PTPRK: variants seen among roughly 807,000 people sequenced by gnomAD.
The protein encoded by PTPRK is receptor-type tyrosine-protein phosphatase kappa.
PTPRK carries 75 observed loss-of-function variants against 178.0 expected under a neutral mutation model. The ratio of observed to expected loss-of-function variants is 0.42; its 90% CI spans 0.35 to 0.51. PTPRK has a LOEUF of 0.51. Among genes scored for constraint, PTPRK ranks in the 20% least tolerant of loss-of-function variants. PTPRK has a pLI of 0.02. For synonymous variants in PTPRK, 637 were observed against 620.6 expected (o/e 1.03, Z -0.39); for missense variants, 1,441 against 1,797.8 (o/e 0.80, Z 3.59).
At chr6:128,338,328 T>C (rs1451798551) in intron 2 of PTPRK, among the ~76,000 whole-genome samples, 2 of 152,002 alleles carry the variant, frequency 1.3e-5, no homozygotes, top group East Asian at 1.9e-4. Context: ...AACAGCAAAA[T>C]TGGTGATGCA....
At chr6:128,328,457 T>C (rs199739500) in intron 2 of PTPRK, among the ~76,000 whole-genome samples, 3 of 152,186 alleles carry the variant, frequency 2.0e-5, no homozygotes, top group African/African-American at 4.8e-5. Flanking sequence ...TCTAACTATA[T>C]GTGAGATAAA....
At chr6:128,392,095 T>C (rs72974039) in intron 2 of PTPRK, among the ~76,000 whole-genome samples, 19,486 of 152,118 alleles carry the variant, frequency 0.13, 1,550 homozygotes, top group Non-Finnish European at 0.18. Context: ...CCCTACATTC[T>C]CACCCCTACC....
At chr6:128,428,281 C>T in intron 1 of PTPRK, among the ~76,000 whole-genome samples, 1 of 152,178 alleles carries the variant, frequency 6.6e-6, no homozygotes, top group East Asian at 1.9e-4. Flanking sequence ...TATAGTAGGA[C>T]TTCCATCGCT....
chr6:128,424,404 T>A (rs796774188), intron 1 of PTPRK, among the ~76,000 whole-genome samples: 9 of 152,332 alleles, frequency 5.9e-5, no homozygotes, highest in African/African-American at 2.2e-4. Context: ...GAAGCCCACA[T>A]CTCTCAAGGA....
At chr6:128,174,654 A>T (rs914867330) in intron 7 of PTPRK, among the ~76,000 whole-genome samples, 1 of 151,908 alleles carries the variant, frequency 6.6e-6, no homozygotes, top group African/African-American at 2.4e-5. Context: ...GCTCAAAAGT[A>T]TCAAATTGGG....
Position 128,046,961 on chromosome 6 carries a change from C to T in PTPRK, c.2194+17797G>A, listed in dbSNP as rs141740995. On this transcript the variant is annotated intron_variant, in intron 13 of 29. Transcript: ENST00000368226. Reference sequence around the variant, plus strand: ...TCTGTCACTTACAAAAGCATTTCATCCATCTGCACAGAGAAAAGGGCACCA... The same window carrying T: ...TCTGTCACTTACAAAAGCATTTCATTCATCTGCACAGAGAAAAGGGCACCA... Among the ~76,000 whole-genome samples, 73 of 152,236 alleles carry T rather than the reference C, an allele frequency of 4.8e-4. No homozygotes were observed. The East Asian group carries it at 0.012, about 26-fold the overall frequency.
chr6:128,315,484 A>T (rs1046727512), intron 3 of PTPRK, among the ~76,000 whole-genome samples: 1 of 152,138 alleles, frequency 6.6e-6, no homozygotes, highest in African/African-American at 2.4e-5. Flanking sequence ...TAAATGCAGA[A>T]ATAACATGTA....
At chr6:128,095,095 TAAA>T (rs369436620) in intron 7 of PTPRK, among the ~76,000 whole-genome samples, 9 of 134,482 alleles carry the variant, frequency 6.7e-5, no homozygotes, top group Non-Finnish European at 1.5e-4. Flanking sequence ...ATTTTTCAGA[TAAA>T]AAAAAAAAGA....
At position 128,104,474 on chromosome 6, in the gene PTPRK, G is replaced by A. The variant is rs376288202; in HGVS notation, c.1163-14482C>T. Among the ~76,000 whole-genome samples, 109 of 152,216 alleles carry A rather than the reference G, an allele frequency of 7.2e-4. No individual in the cohort carries two copies. In the South Asian group the frequency reaches 0.012, roughly 16 times the overall value. ...CCTAACCTCGTGATCCGCCTGCCTC[G>A]GCCTCCCAAAGTTCTGGGATTATAG... On this transcript the variant is annotated intron_variant, in intron 7 of 29. Transcript: ENST00000368226.
chr6:128,072,475 T>C (rs9968879), intron 11 of PTPRK, among the ~76,000 whole-genome samples: 2,483 of 152,102 alleles, frequency 0.016, 78 homozygotes, highest in African/African-American at 0.056. Context: ...ACCTGTTTTA[T>C]AATAAAGTGT....
chr6:128,420,199 G>A (rs1843327259), intron 1 of PTPRK, among the ~76,000 whole-genome samples: 1 of 152,010 alleles, frequency 6.6e-6, no homozygotes, highest in Admixed American at 6.6e-5. Flanking sequence ...AGTGTGTCGA[G>A]AAAAATAGTC....
At chr6:128,278,346 C>T (rs1821111894) in intron 3 of PTPRK, among the ~76,000 whole-genome samples, 1 of 151,892 alleles carries the variant, frequency 6.6e-6, no homozygotes, top group South Asian at 2.1e-4. Context: ...TTAGTAGAGA[C>T]AGTGTTTCAC....
chr6:128,190,090 G>T (rs949548341), intron 6 of PTPRK, among the ~76,000 whole-genome samples: 2 of 152,214 alleles, frequency 1.3e-5, no homozygotes, highest in South Asian at 2.1e-4. Context: ...AATTTATTTG[G>T]ACATTTAATA....
At chr6:128,141,844 T>C (rs1039640154) in intron 7 of PTPRK, among the ~76,000 whole-genome samples, 10 of 152,070 alleles carry the variant, frequency 6.6e-5, no homozygotes, top group African/African-American at 2.4e-4. Context: ...TCACATCATA[T>C]AGAAGCCAGA....
intron 1 of PTPRK, among the ~76,000 whole-genome samples, chr6:128,415,644 C>G (rs1457199777): frequency 1.3e-5 from 2 of 152,140 alleles, no homozygotes; most frequent in Non-Finnish European, 2.9e-5. Flanking sequence ...GCATCTGAAT[C>G]CAAGAGGCAG....
intron 7 of PTPRK, among the ~76,000 whole-genome samples, chr6:128,172,549 T>C (rs982233576): frequency 2.8e-4 from 43 of 151,648 alleles, no homozygotes; most frequent in African/African-American, 1.0e-3. Flanking sequence ...TGATAAAAAA[T>C]TTTAAAAATA....
At chr6:128,138,076 T>A (rs1365711466) in intron 7 of PTPRK, among the ~76,000 whole-genome samples, 3 of 152,114 alleles carry the variant, frequency 2.0e-5, no homozygotes, top group African/African-American at 4.8e-5. Flanking sequence ...GGATGTGTAT[T>A]TGGACCTGTG....
At chr6:127,993,783 G>A (rs1045576638) in intron 18 of PTPRK, among the ~76,000 whole-genome samples, 4 of 151,302 alleles carry the variant, frequency 2.6e-5, no homozygotes, top group Admixed American at 2.6e-4. Flanking sequence ...TACTCATATC[G>A]TTTACATATA....
chr6:128,166,452 A>G (rs4557544), intron 7 of PTPRK, among the ~76,000 whole-genome samples: 3 of 151,682 alleles, frequency 2.0e-5, no homozygotes, highest in African/African-American at 7.2e-5. Context: ...AAAATATAAC[A>G]ACATCAGGAC....
Sources: allele counts gnomAD v4.1 joint callset (sites outside exome capture counted in the v4.1 genomes callset), GRCh38; gene constraint gnomAD v4.1.1; transcripts MANE v1.5; gene names NCBI Gene and HGNC (gene_info 2026-07-23, HGNC 2026-07-21).